Variants in ADGRB1 observed in about 807,000 individuals in gnomAD.
ADGRB1 encodes adhesion G protein-coupled receptor B1, also known as brain-specific angiogenesis inhibitor 1.
ADGRB1 carries 36 observed loss-of-function variants against 175.7 expected under a neutral mutation model. The ratio of observed to expected loss-of-function variants is 0.20; its 90% confidence interval spans 0.16 to 0.27. The LOEUF (loss-of-function observed/expected upper bound fraction) is 0.27. Among genes scored for constraint, ADGRB1 ranks in the 10% least tolerant of loss-of-function variants. ADGRB1 has a pLI of 1.00. For synonymous variants in ADGRB1, 1,054 were observed against 979.4 expected (o/e 1.08, Z -1.42); for missense variants, 1,731 against 2,255.3 (o/e 0.77, Z 4.71).
intron 18 of ADGRB1, among the ~76,000 whole-genome samples, chr8:142,515,928 A>G (rs901539385): frequency 1.3e-5 from 2 of 152,232 alleles, no homozygotes; most frequent in Non-Finnish European, 2.9e-5. Flanking sequence ...AGTTTGGACA[A>G]CAGAGGTGAG....
At chr8:142,468,035 AAG>A (rs1840374308) in intron 2 of ADGRB1, among the ~76,000 whole-genome samples, 1 of 152,200 alleles carries the variant, frequency 6.6e-6, no homozygotes, top group Non-Finnish European at 1.5e-5. Flanking sequence ...GGTGCTCAGA[AAG>A]AGGTGGGAGG....
intron 27 of ADGRB1, 94 bp from the exon 28 acceptor site, chr8:142,541,847 G>C: frequency 3.0e-6 from 4 of 1,338,550 alleles, no homozygotes; most frequent in Admixed American, 2.4e-5. Flanking sequence ...TGGCGGCCTC[G>C]CAGGGCAGAC....
In ADGRB1 at chr8:142,510,484, C is replaced by T. The variant is rs1421427048; in HGVS notation, c.2676-448C>T. On this transcript the variant is annotated intron_variant, in intron 17 of 30. Transcript: ENST00000517894. This position sits in a 1 kb window ranked among gnomAD's most constrained non-coding sequence, Gnocchi z 6.3. Reference sequence around the variant, plus strand: ...GCGCTCCGAACCCGCCCCGCGCCCCCAGGCCACACCCGGCTCGCACCCTCC... The same window carrying T: ...GCGCTCCGAACCCGCCCCGCGCCCCTAGGCCACACCCGGCTCGCACCCTCC... Among the ~76,000 whole-genome samples, 1 of 151,344 alleles carries T rather than the reference C, an allele frequency of 6.6e-6. No individual in the cohort carries two copies. The highest frequency in any genetic ancestry group is 2.4e-5 in the African/African-American group (1 of 41,220).
intron 24 of ADGRB1, among the ~76,000 whole-genome samples, chr8:142,527,248 G>T (rs1407214201): frequency 2.6e-5 from 4 of 152,186 alleles, no homozygotes; most frequent in African/African-American, 9.7e-5. Context: ...CGGGGCGTGG[G>T]GAGCTGACTA....
At chr8:142,535,594 G>A (rs1457445740) in intron 25 of ADGRB1, among the ~76,000 whole-genome samples, 1 of 152,184 alleles carries the variant, frequency 6.6e-6, no homozygotes, top group Non-Finnish European at 1.5e-5. Context: ...GCCATGCCGG[G>A]CAGCCCAGCC....
At chr8:142,481,823 A>G (rs1050526034) in intron 11 of ADGRB1, 112 bp downstream of exon 11, 1 of 964,246 alleles carries the variant, frequency 1.0e-6, no homozygotes, top group Non-Finnish European at 1.5e-6. Context: ...GCCCTAACCC[A>G]TGTCATAGGT....
rs1369912658 is a variant in ADGRB1 at position 142,464,545 on chromosome 8, G to C, written c.347G>C (p.Gly116Ala). 1 of 1,560,564 alleles carries C rather than the reference G, an allele frequency of 6.4e-7. No individual in the cohort carries two copies. The highest frequency in any genetic ancestry group is 8.7e-7 in the Non-Finnish European group (1 of 1,155,906). ...CTCGAGTCCACGCGCACCTACCTGGGCGTGGAGAGCTTCGACGAGGTGCTG... is the reference window on the plus strand; with the variant it reads ...CTCGAGTCCACGCGCACCTACCTGGCCGTGGAGAGCTTCGACGAGGTGCTG... ...SFLESTRTYL[G>A]VESFDEVLRL... The change falls in exon 2 of 31, where the codon GGC becomes GCC. Residue 116 changes from glycine to alanine, a missense_variant. Gly to Ala is a moderately conservative substitution (Grantham distance 60). Around this residue, in one of 8 missense-constraint regions of ADGRB1, gnomAD observed 383 missense variants for 383.1 expected, o/e 1.00. Coordinates refer to ENST00000517894, the MANE Select transcript of ADGRB1 (RefSeq NM_001702.3).
chr8:142,465,947 G>A (rs368590045), intron 2 of ADGRB1, among the ~76,000 whole-genome samples: 17 of 152,202 alleles, frequency 1.1e-4, no homozygotes, highest in African/African-American at 2.4e-4. Context: ...AGACAGGAGC[G>A]TGCGCAGGAG....
intron 1 of ADGRB1, among the ~76,000 whole-genome samples, chr8:142,454,154 G>A (rs529875032): frequency 1.3e-5 from 2 of 152,252 alleles, no homozygotes; most frequent in South Asian, 2.1e-4. Flanking sequence ...CATAGGGCGC[G>A]TCAGGAGGCT....
chr8:142,453,951 A>G (rs1045064918), intron 1 of ADGRB1, among the ~76,000 whole-genome samples: 1 of 152,196 alleles, frequency 6.6e-6, no homozygotes, highest in African/African-American at 2.4e-5. Context: ...TGTGAGAAAT[A>G]GACCAGAGCT....
chr8:142,512,519 T>C (rs1280278147), intron 18 of ADGRB1, among the ~76,000 whole-genome samples: 1 of 152,160 alleles, frequency 6.6e-6, no homozygotes, highest in Non-Finnish European at 1.5e-5. Flanking sequence ...TGCTATGGTG[T>C]GTGCCCCATC....
intron 1 of ADGRB1, among the ~76,000 whole-genome samples, chr8:142,454,922 C>T (rs1312514304): frequency 3.9e-5 from 6 of 152,142 alleles, no homozygotes; most frequent in Non-Finnish European, 8.8e-5. Context: ...GGCTCTTGTT[C>T]GGGGCTACCC....
rs1199412696 is a variant in ADGRB1 at position 142,543,731 on chromosome 8, G to A, written c.4557+23G>A. The A allele has an allele frequency of 3.9e-6, 6 of 1,535,670 alleles. No homozygotes were observed. The highest frequency in any genetic ancestry group is 1.4e-5 in the African/African-American group (1 of 72,664). On this transcript the variant is annotated intron_variant, in intron 30 of 30. Transcript: ENST00000517894. This position sits in a 1 kb window ranked among gnomAD's most constrained non-coding sequence, Gnocchi z 4.4. ...AAGGTCTGGAGGGCAGGGAGGGGCG[G>A]GGTGGGGAGAGCCCTTAGGTCAGGC... is the stretch of plus-strand genomic sequence containing the variant.
chr8:142,471,829 T>C (rs1002310565), intron 2 of ADGRB1, among the ~76,000 whole-genome samples: 1 of 152,192 alleles, frequency 6.6e-6, no homozygotes, highest in African/African-American at 2.4e-5. Context: ...GCAGGTGGGC[T>C]AAGTCAGGCC....
At position 142,537,098 on chromosome 8, in the gene ADGRB1, C is replaced by T. The variant is rs1055116568; in HGVS notation, c.3666+16C>T. 12 of 1,474,228 alleles carry T rather than the reference C, an allele frequency of 8.1e-6. No homozygotes were observed. The highest frequency in any genetic ancestry group is 4.5e-5 in the Admixed American group (2 of 44,926). 91.3% of individuals were successfully genotyped at this position (1,474,228 alleles called of 1,614,324 possible). A position where few individuals can be genotyped will look rare whatever the true frequency, so the allele number is the denominator to read the frequency against. On this transcript the variant is annotated intron_variant, in intron 26 of 30. Transcript: ENST00000517894. The surrounding 1 kb of genome is among the most constrained non-coding windows in gnomAD (Gnocchi z 4.6). ...CCAGCTCATGGTAGGACTCAGGGCC[C>T]GGGGACTCAGGCTGCCCTACCTGCC...
chr8:142,541,339 C>T (rs1409629789), intron 27 of ADGRB1, among the ~76,000 whole-genome samples: 2 of 152,094 alleles, frequency 1.3e-5, no homozygotes, highest in East Asian at 3.9e-4. Flanking sequence ...TGACCAGAGA[C>T]AGAATCAGAG....
At chr8:142,526,503 G>GGCCCCCCCCC in intron 23 of ADGRB1, 39 bp from the exon 24 acceptor site, 4 of 1,259,232 alleles carry the variant, frequency 3.2e-6, no homozygotes, top group Non-Finnish European at 2.3e-6. Flanking sequence ...GCCTACGGCG[G>GGCCCCCCCCC]CCCCCACCCC....
chr8:142,518,413 C>T lies in ADGRB1; in HGVS notation c.2921+172C>T, dbSNP rs567558236. On this transcript the variant is annotated intron_variant, in intron 19 of 30. Transcript: ENST00000517894. ...AGCCATGCTGTGGCCCCTCCGAGGC[C>T]TCCACAGGTCCTGAGGCCACCCCAC... Among the ~76,000 whole-genome samples the T allele has an allele frequency of 8.1e-3, 90 of 11,132 alleles. 1 individual carries two copies. In the East Asian group the frequency reaches 0.46, roughly 57 times the overall value. 7.3% of individuals were successfully genotyped at this position (11,132 alleles called of 152,430 possible).
intron 1 of ADGRB1, among the ~76,000 whole-genome samples, chr8:142,450,443 C>T (rs1020646362): frequency 1.3e-5 from 2 of 152,160 alleles, no homozygotes; most frequent in Non-Finnish European, 2.9e-5. Flanking sequence ...CTCTTCATCA[C>T]ATGCACAGGG....
Sources: allele counts gnomAD v4.1 joint callset (sites outside exome capture counted in the v4.1 genomes callset), GRCh38; gene constraint gnomAD v4.1.1; regional missense constraint gnomAD v4.1.1; non-coding constraint Gnocchi (gnomAD v3.1); transcripts MANE v1.5; gene names NCBI Gene and HGNC (gene_info 2026-07-23, HGNC 2026-07-21).